MGAT2: variants seen among roughly 807,000 people sequenced by gnomAD.
MGAT2 encodes the protein Beta-1,2-N-acetylglucosaminyltransferase II.
In MGAT2, 17 loss-of-function variants were observed where a neutral mutation model predicts 33.8. That is an observed-to-expected ratio of 0.50 (90% CI 0.34 to 0.76). The LOEUF is 0.76. MGAT2 is among the 30% of genes least tolerant of loss of function. The pLI, the probability that MGAT2 is intolerant of heterozygous loss-of-function variation, is 0.01. For missense variants in MGAT2, 529 were observed against 553.9 expected, an observed-to-expected ratio of 0.96 and a Z score of 0.45; for synonymous variants, 248 against 226.7, an observed-to-expected ratio of 1.09 and a Z score of -0.84.
chr14:49,620,801 A>G lies in MGAT2; in HGVS notation c.-468A>G, dbSNP rs903719695. 8.3e-5 allele frequency: 49 copies of G among 591,812 alleles called. No individual in the cohort carries two copies. In the East Asian group the frequency reaches 1.4e-3, roughly 17 times the overall value. 36.7% of individuals were successfully genotyped at this position (591,812 alleles called of 1,614,324 possible). ...GGAGGGCCGCGGTGTGCCGCGGGGC[A>G]GTTGCGGGTTGTCATAACGGTCCCC... On this transcript the variant is annotated 5_prime_UTR_variant, in exon 1 of 1. Transcript: ENST00000305386.
In MGAT2 at chr14:49,621,353, G is replaced by T; in HGVS notation, c.85G>T (p.Gly29Trp). ...ACGFVLWSSNGRQRKNEALAP... is the reference protein window; with the variant it reads ...ACGFVLWSSNWRQRKNEALAP... ...CGGCTTCGTCCTCTGGAGCAGCAAT[G>T]GGCGACAAAGGAAGAACGAGGCCCT... Residue 29 changes from glycine (G) to tryptophan (W), a missense_variant, in exon 1 of 1, where the codon GGG (glycine) becomes TGG (tryptophan). By Grantham distance (184) the Gly-to-Trp change is radical (BLOSUM62 -2). This residue lies in a region of MGAT2 where 501 missense variants were observed against 501.1 expected (regional missense o/e 1.00). Transcript: ENST00000305386. This position sits in a 1 kb window ranked among gnomAD's most constrained non-coding sequence, Gnocchi z 4.6. 6.2e-7 allele frequency: 1 copy of T among 1,612,298 alleles called. No homozygotes were observed.
Position 49,621,858 on chromosome 14 carries a change from C to A in MGAT2, c.590C>A (p.Pro197His), listed in dbSNP as rs1318755521. ...EFPGSDPRDC[P>H]RDLPKNAALK... Reference sequence around the variant, plus strand: ...CCAGGTAGTGACCCTAGAGATTGTCCCAGAGACCTGCCGAAGAATGCCGCT... The same window carrying A: ...CCAGGTAGTGACCCTAGAGATTGTCACAGAGACCTGCCGAAGAATGCCGCT... Residue 197 changes from proline (P) to histidine (H), a missense_variant, in exon 1 of 1, where the codon CCC becomes CAC. This residue lies in a region of MGAT2 where 501 missense variants were observed against 501.1 expected (regional missense o/e 1.00). Coordinates refer to ENST00000305386, the MANE Select transcript of MGAT2 (RefSeq NM_002408.4). This position sits in a 1 kb window ranked among gnomAD's most constrained non-coding sequence, Gnocchi z 4.6. The A allele has an allele frequency of 1.9e-6, 3 of 1,614,068 alleles. No individual in the cohort carries two copies. Among genetic ancestry groups the A allele is most frequent in the Non-Finnish European group, 2.5e-6 (3 of 1,180,018 alleles).
Position 49,622,727 on chromosome 14 carries a change from T to TA in MGAT2, c.*115_*116insA. On this transcript the variant is annotated 3_prime_UTR_variant, in exon 1 of 1. Coordinates refer to ENST00000305386, the MANE Select transcript of MGAT2 (RefSeq NM_002408.4). ...TCTGCTTTAATACAAAAACAAAATC[T>TA]TGTAAAAGGTGTCCAAATACATAGT... The TA allele has an allele frequency of 9.7e-7, 1 of 1,031,798 alleles. No individual in the cohort carries two copies. Among genetic ancestry groups the TA allele is most frequent in the Non-Finnish European group, 1.4e-6 (1 of 731,038 alleles). The allele number at this position is 1,031,798 out of a possible 1,614,324, so 63.9% of individuals were successfully genotyped here. A position where few individuals can be genotyped will look rare whatever the true frequency, so the allele number is the denominator to read the frequency against.
chr14:49,621,350 A>G lies in MGAT2; in HGVS notation c.82A>G (p.Asn28Asp), dbSNP rs776484694. Residue 28 changes from asparagine (N) to aspartate (D), a missense_variant, in exon 1 of 1, where the codon AAT (asparagine) becomes GAT (aspartate). Transcript: ENST00000305386. This position sits in a 1 kb window ranked among gnomAD's most constrained non-coding sequence, Gnocchi z 4.6. The stretch of plus-strand genomic sequence containing the variant: ...CTGCGGCTTCGTCCTCTGGAGCAGC[A>G]ATGGGCGACAAAGGAAGAACGAGGC... Reference protein sequence around the residue: ...AACGFVLWSSNGRQRKNEALA... With the variant: ...AACGFVLWSSDGRQRKNEALA... The G allele has an allele frequency of 6.2e-7, 1 of 1,612,330 alleles. No homozygotes were observed. The highest frequency in any genetic ancestry group is 1.7e-5 in the Admixed American group (1 of 59,988).
chr14:49,621,791 G>C lies in MGAT2; in HGVS notation c.523G>C (p.Val175Leu). The change falls in exon 1 of 1, where the codon GTG (valine) becomes CTG (leucine). Residue 175 changes from valine to leucine, a missense_variant. Physicochemically the swap from Val to Leu is conservative, Grantham distance 32. Around this residue, in one of 2 missense-constraint regions of MGAT2, gnomAD observed 501 missense variants for 501.1 expected, o/e 1.00. Transcript: ENST00000305386. This position sits in a 1 kb window ranked among gnomAD's most constrained non-coding sequence, Gnocchi z 4.6. ...AGVNFCPVLQVFFPFSIQLYP... is the reference protein window; with the variant it reads ...AGVNFCPVLQLFFPFSIQLYP... The stretch of plus-strand genomic sequence containing the variant: ...GGTGAATTTCTGTCCGGTTCTGCAG[G>C]TGTTCTTTCCTTTCAGCATTCAGTT... 6.2e-7 allele frequency: 1 copy of C among 1,614,168 alleles called. No homozygotes were observed. The highest frequency in any genetic ancestry group is 8.5e-7 in the Non-Finnish European group (1 of 1,180,040).
In MGAT2 at chr14:49,620,946, G is replaced by A. The variant is rs1438644515; in HGVS notation, c.-323G>A. ...GGTAACGAAGCTAGGGTGCGGTTGGGACCGCGGCTGAGCTTTTTCCGGGAC... is the reference window on the plus strand; with the variant it reads ...GGTAACGAAGCTAGGGTGCGGTTGGAACCGCGGCTGAGCTTTTTCCGGGAC... On this transcript the variant is annotated 5_prime_UTR_variant, in exon 1 of 1. Transcript: ENST00000305386. 2.8e-6 allele frequency: 2 copies of A among 702,046 alleles called. No individual in the cohort carries two copies. Among genetic ancestry groups the A allele is most frequent in the South Asian group, 3.0e-5 (2 of 67,572 alleles). The allele number at this position is 702,046 out of a possible 1,614,324, so 43.5% of individuals were successfully genotyped here.
At position 49,622,605 on chromosome 14, in the gene MGAT2, T is replaced by G. The variant is rs762231765; in HGVS notation, c.1337T>G (p.Leu446Arg). The change falls in exon 1 of 1, where the codon CTG becomes CGG. Residue 446 changes from leucine (L) to arginine (R), a missense_variant. Leu to Arg is a moderately radical substitution (Grantham distance 102). Around this residue, in one of 2 missense-constraint regions of MGAT2, gnomAD observed 28 missense variants for 52.8 expected, o/e 0.53. Transcript: ENST00000305386. Reference sequence around the variant, plus strand: ...GAACTCTGTAAAAGTTATAGAAGACTGCAGTGAAAATCACAGTTACAAAAG... The same window carrying G: ...GAACTCTGTAAAAGTTATAGAAGACGGCAGTGAAAATCACAGTTACAAAAG... The part of the protein sequence containing the change: ...DHELCKSYRR[L>R]Q 1.9e-6 allele frequency: 3 copies of G among 1,596,390 alleles called. No individual in the cohort carries two copies. Among genetic ancestry groups the G allele is most frequent in the Non-Finnish European group, 2.6e-6 (3 of 1,175,176 alleles).
chr14:49,622,144 G>A lies in MGAT2; in HGVS notation c.876G>A (p.Gly292=), dbSNP rs1373489807. Residue 292 remains glycine, a synonymous_variant, in exon 1 of 1, where the codon GGG becomes GGA. Coordinates refer to ENST00000305386, the MANE Select transcript of MGAT2 (RefSeq NM_002408.4). ...ECPECDVLSL[G]TYSASRSFYG... ...CTGAATGTGATGTTCTCTCCCTGGGGACCTATAGTGCCAGTCGCAGTTTCT... is the reference window on the plus strand; with the variant it reads ...CTGAATGTGATGTTCTCTCCCTGGGAACCTATAGTGCCAGTCGCAGTTTCT... 2 of 1,614,202 alleles carry A rather than the reference G, an allele frequency of 1.2e-6. No homozygotes were observed. Among genetic ancestry groups the A allele is most frequent in the Non-Finnish European group, 1.7e-6 (2 of 1,180,038 alleles).
rs1040835491 is a variant in MGAT2, at chr14:49,623,320, A to T, written c.*708A>T. On this transcript the variant is annotated 3_prime_UTR_variant, in exon 1 of 1. Transcript: ENST00000305386. ...CAAAATAAAATACTCATTTTTGCAT[A>T]AAAAGGTTCCTAATCCTTTTGCAGA... is the stretch of plus-strand genomic sequence containing the variant. 6.0e-6 allele frequency: 1 copy of T among 166,692 alleles called. No individual in the cohort carries two copies. Among genetic ancestry groups the T allele is most frequent in the African/African-American group, 2.4e-5 (1 of 41,376 alleles). The allele number at this position is 166,692 out of a possible 1,614,324, so 10.3% of individuals were successfully genotyped here.
At position 49,621,899 on chromosome 14, in the gene MGAT2, A is replaced by G. The variant is rs1882865676; in HGVS notation, c.631A>G (p.Ile211Val). ...GAATGCCGCTTTGAAATTGGGGTGC[A>G]TCAATGCTGAGTATCCCGACTCCTT... ...PKNAALKLGC[I>V]NAEYPDSFGH... The change falls in exon 1 of 1, where the codon ATC becomes GTC. Residue 211 changes from isoleucine to valine, a missense_variant. By Grantham distance (29) the Ile-to-Val change is conservative (BLOSUM62 3). Transcript: ENST00000305386. This position sits in a 1 kb window ranked among gnomAD's most constrained non-coding sequence, Gnocchi z 4.6. The G allele has an allele frequency of 6.2e-7, 1 of 1,614,080 alleles. No individual in the cohort carries two copies. The highest frequency in any genetic ancestry group is 8.5e-7 in the Non-Finnish European group (1 of 1,180,044).
At position 49,622,501 on chromosome 14, in the gene MGAT2, AAC is replaced by A; in HGVS notation, c.1234_1235del (p.Thr412TyrfsTer3). The A allele has an allele frequency of 1.9e-6, 3 of 1,603,944 alleles. No homozygotes were observed. The highest frequency in any genetic ancestry group is 2.6e-6 in the Non-Finnish European group (3 of 1,175,396). On this transcript the variant is annotated frameshift_variant, in exon 1 of 1. Transcript: ENST00000305386. LOFTEE classifies it high-confidence loss of function. Reference protein sequence around the residue: ...NKQYMFPETLTISEKFTVVAI... With the variant: ...NKQYMFPETLXISEKFTVVAI... ...AACAATACATGTTTCCAGAAACTCTAACTATCAGTGAAAAGTTTACTGTGGTA... is the reference window on the plus strand; with the variant it reads ...AACAATACATGTTTCCAGAAACTCTATATCAGTGAAAAGTTTACTGTGGTA...
In MGAT2 at chr14:49,621,628, G is replaced by A. The variant is rs148802016; in HGVS notation, c.360G>A (p.Leu120=). ...AGTWAPRELV[L]VVQVHNRPEY... ...CCTGGGCCCCCCGGGAGCTGGTGCT[G>A]GTGGTCCAGGTGCATAACCGGCCCG... Residue 120 remains leucine, a synonymous_variant, in exon 1 of 1, where the codon CTG becomes CTA. Transcript: ENST00000305386. This position sits in a 1 kb window ranked among gnomAD's most constrained non-coding sequence, Gnocchi z 4.6. 1.0e-3 allele frequency: 1,694 copies of A among 1,614,152 alleles called. 31 individuals are homozygous for A. In the East Asian group the frequency reaches 0.031, roughly 29 times the overall value.
rs1284041373 is a variant in MGAT2, at chr14:49,621,125, C to T, written c.-144C>T. 6 of 1,260,724 alleles carry T rather than the reference C, an allele frequency of 4.8e-6. No individual in the cohort carries two copies. Among genetic ancestry groups the T allele is most frequent in the East Asian group, 2.5e-5 (1 of 39,652 alleles). The allele number at this position is 1,260,724 out of a possible 1,614,324, so 78.1% of individuals were successfully genotyped here. On this transcript the variant is annotated 5_prime_UTR_variant, in exon 1 of 1. Transcript: ENST00000305386. This position sits in a 1 kb window ranked among gnomAD's most constrained non-coding sequence, Gnocchi z 4.6. ...CTCGGGCCCCAGGACCCCCGGGGCCCGGGATGAGTTAGCGAGGGCAGCCGC... is the reference window on the plus strand; with the variant it reads ...CTCGGGCCCCAGGACCCCCGGGGCCTGGGATGAGTTAGCGAGGGCAGCCGC...
chr14:49,621,108 C>G lies in MGAT2; in HGVS notation c.-161C>G, dbSNP rs886050517. ...CGGGGTAAATGAGAGGTCTCGGGCC[C>G]CAGGACCCCCGGGGCCCGGGATGAG... On this transcript the variant is annotated 5_prime_UTR_variant, in exon 1 of 1. Coordinates refer to ENST00000305386, the MANE Select transcript of MGAT2 (RefSeq NM_002408.4). This position sits in a 1 kb window ranked among gnomAD's most constrained non-coding sequence, Gnocchi z 4.6. 12 of 1,078,022 alleles carry G rather than the reference C, an allele frequency of 1.1e-5. No homozygotes were observed. Among genetic ancestry groups the G allele is most frequent in the Admixed American group, 2.1e-5 (1 of 47,504 alleles). 66.8% of individuals were successfully genotyped at this position (1,078,022 alleles called of 1,614,324 possible).
chr14:49,622,253 C>G lies in MGAT2; in HGVS notation c.985C>G (p.Gln329Glu). The G allele has an allele frequency of 6.2e-7, 1 of 1,614,154 alleles. No individual in the cohort carries two copies. The highest frequency in any genetic ancestry group is 8.5e-7 in the Non-Finnish European group (1 of 1,180,034). The change falls in exon 1 of 1, where the codon CAG (glutamine) becomes GAG (glutamate). Residue 329 changes from glutamine to glutamate, a missense_variant. By Grantham distance (29) the Gln-to-Glu change is conservative. This residue lies in a region of MGAT2 where 501 missense variants were observed against 501.1 expected (regional missense o/e 1.00). Coordinates refer to ENST00000305386, the MANE Select transcript of MGAT2 (RefSeq NM_002408.4). Reference protein sequence around the residue: ...MGLALTRNAYQKLIECTDTFC... With the variant: ...MGLALTRNAYEKLIECTDTFC... ...TCTAGCCTTGACCCGGAATGCCTAT[C>G]AGAAGCTGATCGAGTGCACAGACAC...
chr14:49,622,073 T>C lies in MGAT2; in HGVS notation c.805T>C (p.Tyr269His), dbSNP rs181491339. Reference protein sequence around the residue: ...EEDHYLAPDFYHVFKKMWKLK... With the variant: ...EEDHYLAPDFHHVFKKMWKLK... ...GGATCACTACTTAGCCCCAGACTTT[T>C]ACCATGTCTTCAAAAAGATGTGGAA... is the stretch of plus-strand genomic sequence containing the variant. The change falls in exon 1 of 1, where the codon TAC becomes CAC. Residue 269 changes from tyrosine to histidine, a missense_variant. Around this residue, in one of 2 missense-constraint regions of MGAT2, gnomAD observed 501 missense variants for 501.1 expected, o/e 1.00. Coordinates refer to ENST00000305386, the MANE Select transcript of MGAT2 (RefSeq NM_002408.4). 1.4e-5 allele frequency: 22 copies of C among 1,614,236 alleles called. No homozygotes were observed. The Admixed American group carries it at 3.5e-4, about 26-fold the overall frequency.
rs1213004748 is a variant in MGAT2, at chr14:49,622,838, C to T, written c.*226C>T. ...GTTTTAAAGCTCAATCTGTTATCTG[C>T]TAAAATTGATTATTGTTGATATGAG... is the stretch of plus-strand genomic sequence containing the variant. On this transcript the variant is annotated 3_prime_UTR_variant, in exon 1 of 1. Transcript: ENST00000305386. The T allele has an allele frequency of 1.1e-5, 4 of 377,256 alleles. No individual in the cohort carries two copies. Among genetic ancestry groups the T allele is most frequent in the Non-Finnish European group, 2.0e-5 (4 of 203,804 alleles). 23.4% of individuals were successfully genotyped at this position (377,256 alleles called of 1,614,324 possible).
Position 49,621,218 on chromosome 14 carries a change from G to A in MGAT2, c.-51G>A. ...GCCCGCCCGCCCCTTCCGTGCAGAAGCAGCTGCTCCTTTCCGCGCCCGCCC... is the reference window on the plus strand; with the variant it reads ...GCCCGCCCGCCCCTTCCGTGCAGAAACAGCTGCTCCTTTCCGCGCCCGCCC... On this transcript the variant is annotated 5_prime_UTR_variant, in exon 1 of 1. Coordinates refer to ENST00000305386, the MANE Select transcript of MGAT2 (RefSeq NM_002408.4). This position sits in a 1 kb window ranked among gnomAD's most constrained non-coding sequence, Gnocchi z 4.6. 6.2e-7 allele frequency: 1 copy of A among 1,609,202 alleles called. No homozygotes were observed. Among genetic ancestry groups the A allele is most frequent in the Non-Finnish European group, 8.5e-7 (1 of 1,179,016 alleles).
Position 49,621,785 on chromosome 14 carries a change from C to T in MGAT2, c.517C>T (p.Leu173=). ...CGCCGGGGTGAATTTCTGTCCGGTTCTGCAGGTGTTCTTTCCTTTCAGCAT... is the reference window on the plus strand; with the variant it reads ...CGCCGGGGTGAATTTCTGTCCGGTTTTGCAGGTGTTCTTTCCTTTCAGCAT... ...LIAGVNFCPV[L]QVFFPFSIQL... The change falls in exon 1 of 1, where the codon CTG becomes TTG. Residue 173 remains leucine (L), a synonymous_variant. Transcript: ENST00000305386. This position sits in a 1 kb window ranked among gnomAD's most constrained non-coding sequence, Gnocchi z 4.6. The T allele has an allele frequency of 6.2e-7, 1 of 1,614,164 alleles. No individual in the cohort carries two copies. The highest frequency in any genetic ancestry group is 1.3e-5 in the African/African-American group (1 of 75,036).
Sources: gnomAD v4.1 joint callset for allele counts on GRCh38, gnomAD v4.1.1 for gene constraint, gnomAD v4.1.1 regional missense constraint, Gnocchi (gnomAD v3.1) non-coding constraint, MANE v1.5 for transcripts, NCBI Gene and HGNC (gene_info 2026-07-23, HGNC 2026-07-21) for gene names.